Variants in SEC22A observed in about 807,000 individuals in gnomAD.
SEC22A encodes vesicle-trafficking protein SEC22a.
In SEC22A, 22 loss-of-function variants were observed where a neutral mutation model predicts 35.3. The ratio of observed to expected loss-of-function variants is 0.62; its 90% CI spans 0.45 to 0.89. The LOEUF is 0.89. Ranked by LOEUF, SEC22A falls within the 40% of genes least tolerant of loss-of-function variation. The pLI is 0.00. For synonymous variants in SEC22A, 119 were observed against 129.5 expected, an observed-to-expected ratio of 0.92 and a Z score of 0.55; for missense variants, 354 against 362.5, an observed-to-expected ratio of 0.98 and a Z score of 0.19.
At chr3:123,261,761 G>A (rs187951182) in intron 6 of SEC22A, among the ~76,000 whole-genome samples, 5 of 152,118 alleles carry the variant, frequency 3.3e-5, no homozygotes, top group East Asian at 1.9e-4. Context: ...CCATTATATC[G>A]TCCTCACTGA....
intron 1 of SEC22A, among the ~76,000 whole-genome samples, chr3:123,205,055 A>T (rs577347436): frequency 4.7e-4 from 71 of 152,258 alleles, no homozygotes; most frequent in African/African-American, 1.7e-3. Flanking sequence ...AGTTTAAAAA[A>T]AAACAAACTA....
At chr3:123,252,960 G>GT (rs1937632304) in intron 5 of SEC22A, among the ~76,000 whole-genome samples, 1 of 152,168 alleles carries the variant, frequency 6.6e-6, no homozygotes, top group African/African-American at 2.4e-5. Context: ...ATGGTAATAA[G>GT]TTTTTTGTGA....
At chr3:123,268,124 A>G (rs966707747) in intron 6 of SEC22A, among the ~76,000 whole-genome samples, 3 of 152,162 alleles carry the variant, frequency 2.0e-5, no homozygotes, top group African/African-American at 7.2e-5. Flanking sequence ...ATCTGCTTAT[A>G]ATGTTCTAGG....
intron 2 of SEC22A, among the ~76,000 whole-genome samples, chr3:123,220,130 G>A (rs1203389683): frequency 6.6e-6 from 1 of 152,168 alleles, no homozygotes; most frequent in Non-Finnish European, 1.5e-5. Flanking sequence ...TTTAGCACAA[G>A]TAAGATAGAC....
intron 4 of SEC22A, among the ~76,000 whole-genome samples, chr3:123,226,696 T>C (rs182490421): frequency 6.6e-6 from 1 of 152,358 alleles, no homozygotes; most frequent in East Asian, 1.9e-4. Context: ...TTTCCTTTGC[T>C]GAGCAGAAGC....
At chr3:123,253,750 C>T (rs1036777228) in intron 5 of SEC22A, among the ~76,000 whole-genome samples, 2 of 151,406 alleles carry the variant, frequency 1.3e-5, no homozygotes, top group Non-Finnish European at 2.9e-5. Context: ...AATTATGTCC[C>T]TGCTAATACT....
intron 4 of SEC22A, among the ~76,000 whole-genome samples, chr3:123,242,671 C>G (rs1937534598): frequency 1.3e-5 from 2 of 152,210 alleles, no homozygotes; most frequent in African/African-American, 2.4e-5. Context: ...GCTCTGCAGT[C>G]AGATAGACCT....
intron 4 of SEC22A, among the ~76,000 whole-genome samples, chr3:123,241,495 T>C (rs1385060525): frequency 6.6e-6 from 1 of 152,210 alleles, no homozygotes; most frequent in Non-Finnish European, 1.5e-5. Flanking sequence ...ATAAGGACTA[T>C]TCTGGGACTT....
chr3:123,222,841 G>A (rs1010489118), intron 2 of SEC22A, among the ~76,000 whole-genome samples: 1 of 152,084 alleles, frequency 6.6e-6, no homozygotes, highest in Non-Finnish European at 1.5e-5. Context: ...ATACTAACCC[G>A]TAAAAATTTC....
At chr3:123,231,744 A>G (rs1937330783) in intron 4 of SEC22A, among the ~76,000 whole-genome samples, 1 of 152,168 alleles carries the variant, frequency 6.6e-6, no homozygotes, top group Admixed American at 6.5e-5. Flanking sequence ...TTTGAAGACA[A>G]CTTTCCACTT....
In SEC22A at chr3:123,217,911, T is replaced by G. The variant is rs1326691145; in HGVS notation, c.183-5648T>G. ...AGAATGCTGGCCCTATGCTAGGTGT[T>G]CTGTCTGCTGAGAGGAAGATATTTG... On this transcript the variant is annotated intron_variant, in intron 2 of 6. Coordinates refer to ENST00000492595, the MANE Select transcript of SEC22A (RefSeq NM_012430.5). Among the ~76,000 whole-genome samples, 4 of 152,346 alleles carry G rather than the reference T, an allele frequency of 2.6e-5. No homozygotes were observed. In the East Asian group the frequency reaches 7.7e-4, roughly 29 times the overall value.
chr3:123,259,428 CTG>C (rs1211375858), intron 5 of SEC22A, 94 bp from the exon 6 acceptor site: 8 of 828,986 alleles, frequency 9.7e-6, no homozygotes, highest in Non-Finnish European at 1.6e-5. Context: ...ACAATTTTGA[CTG>C]TTTGTAAATA....
chr3:123,269,220 T>TGTGTGTGTGTGTGTTTA (rs34449858), intron 6 of SEC22A, among the ~76,000 whole-genome samples: 1 of 150,070 alleles, frequency 6.7e-6, no homozygotes, highest in African/African-American at 2.5e-5. Context: ...TGTGTGTATA[T>TGTGTGTGTGTGTGTTTA]ATTACTGGAA....
chr3:123,248,652 T>A (rs1315990478), intron 5 of SEC22A, among the ~76,000 whole-genome samples: 1 of 152,256 alleles, frequency 6.6e-6, no homozygotes, highest in Non-Finnish European at 1.5e-5. Flanking sequence ...AGGTATCATT[T>A]CTTCCCAACT....
chr3:123,229,643 C>G (rs1381541994), intron 4 of SEC22A, among the ~76,000 whole-genome samples: 3 of 152,102 alleles, frequency 2.0e-5, no homozygotes, highest in Non-Finnish European at 4.4e-5. Context: ...GCGGGCAGAT[C>G]ACGAGGTCAG....
chr3:123,213,748 C>T (rs1302363358), intron 2 of SEC22A, among the ~76,000 whole-genome samples: 4 of 152,108 alleles, frequency 2.6e-5, no homozygotes, highest in Non-Finnish European at 5.9e-5. Context: ...AATTGAGATA[C>T]TCTTTCTTTA....
chr3:123,228,652 A>G (rs1937259408), intron 4 of SEC22A, among the ~76,000 whole-genome samples: 1 of 151,940 alleles, frequency 6.6e-6, no homozygotes, highest in Admixed American at 6.6e-5. Context: ...GAATGTAGGT[A>G]ACAGAAACTG....
chr3:123,265,005 A>G (rs893536966), intron 6 of SEC22A, among the ~76,000 whole-genome samples: 21 of 152,118 alleles, frequency 1.4e-4, no homozygotes, highest in African/African-American at 5.1e-4. Flanking sequence ...AGAGTTTTTT[A>G]TACAATTGAC....
chr3:123,235,384 A>G (rs1335522772), intron 4 of SEC22A, among the ~76,000 whole-genome samples: 1 of 152,224 alleles, frequency 6.6e-6, no homozygotes, highest in Non-Finnish European at 1.5e-5. Context: ...TGGACTAGGC[A>G]TTTTTGCAAA....
Sources: gnomAD v4.1 joint callset for allele counts (sites outside exome capture counted in the v4.1 genomes callset) on GRCh38, gnomAD v4.1.1 for gene constraint, MANE v1.5 for transcripts, NCBI Gene and HGNC (gene_info 2026-07-23, HGNC 2026-07-21) for gene names.